CDKAL1: variants seen among roughly 807,000 people sequenced by gnomAD.
CDKAL1 encodes the protein CDKAL1 threonylcarbamoyladenosine tRNA methylthiotransferase.
A neutral mutation model predicts 68.2 loss-of-function variants in CDKAL1; 32 were observed. The observed-to-expected ratio is 0.47, with a 90% CI of 0.35 to 0.63. CDKAL1 has a LOEUF of 0.63. Ranked by LOEUF, CDKAL1 falls within the 30% of genes least tolerant of loss-of-function variation. The pLI is 0.00. For synonymous variants in CDKAL1, 234 were observed against 244.3 expected (o/e 0.96, Z 0.39); for missense variants, 606 against 696.7 (o/e 0.87, Z 1.47).
chr6:20,785,181 T>C (rs1419549363), intron 8 of CDKAL1, among the ~76,000 whole-genome samples: 1 of 152,188 alleles, frequency 6.6e-6, no homozygotes, highest in African/African-American at 2.4e-5. Context: ...AGAAATGGGT[T>C]TCTAATTTTC....
At chr6:20,868,052 T>C (rs1000194036) in intron 9 of CDKAL1, among the ~76,000 whole-genome samples, 5 of 53,338 alleles carry the variant, frequency 9.4e-5, no homozygotes, top group Non-Finnish European at 2.9e-4. Context: ...GTGTTACTTC[T>C]GTATAATAAA....
chr6:20,589,731 T>C (rs1158856699), intron 4 of CDKAL1, among the ~76,000 whole-genome samples: 1 of 152,194 alleles, frequency 6.6e-6, no homozygotes, highest in Non-Finnish European at 1.5e-5. Flanking sequence ...TTTTCTCATA[T>C]TTCAGTGAAA....
intron 12 of CDKAL1, among the ~76,000 whole-genome samples, chr6:21,092,395 C>T (rs13210302): frequency 0.14 from 21,096 of 151,718 alleles, 1,779 homozygotes; most frequent in Middle Eastern, 0.2. Flanking sequence ...AGGTATTTGT[C>T]CTAATGCTCT....
chr6:21,095,270 A>G (rs1223988271), intron 12 of CDKAL1, among the ~76,000 whole-genome samples: 1 of 152,086 alleles, frequency 6.6e-6, no homozygotes, highest in Non-Finnish European at 1.5e-5. Context: ...GAATAGTAGG[A>G]CTTTAGCCTG....
chr6:20,600,244 T>G (rs1010127281), intron 4 of CDKAL1, among the ~76,000 whole-genome samples: 1 of 152,184 alleles, frequency 6.6e-6, no homozygotes, highest in Non-Finnish European at 1.5e-5. Flanking sequence ...TTTTATTAAA[T>G]ATTGCATGAC....
chr6:20,932,722 C>T (rs1032350103), intron 9 of CDKAL1, among the ~76,000 whole-genome samples: 3 of 152,090 alleles, frequency 2.0e-5, no homozygotes, highest in African/African-American at 7.2e-5. Flanking sequence ...ATATGATTTC[C>T]TTGCCAACAC....
chr6:20,669,759 A>T (rs2127779283), intron 5 of CDKAL1, among the ~76,000 whole-genome samples: 2 of 152,204 alleles, frequency 1.3e-5, no homozygotes, highest in South Asian at 4.1e-4. Flanking sequence ...CCTTGCCTCA[A>T]GTCCTGGTTT....
At chr6:20,959,085 A>G (rs1200906758) in intron 10 of CDKAL1, among the ~76,000 whole-genome samples, 1 of 152,212 alleles carries the variant, frequency 6.6e-6, no homozygotes, top group Non-Finnish European at 1.5e-5. Flanking sequence ...TCAAGAGTCT[A>G]GCATTGTGTG....
chr6:20,587,373 T>C (rs1038327949), intron 4 of CDKAL1, among the ~76,000 whole-genome samples: 7 of 152,134 alleles, frequency 4.6e-5, no homozygotes, highest in Admixed American at 3.3e-4. Flanking sequence ...ATCTGAATTG[T>C]TGAAATTTTC....
intron 4 of CDKAL1, among the ~76,000 whole-genome samples, chr6:20,641,831 C>T (rs552820989): frequency 3.4e-4 from 20 of 58,716 alleles, no homozygotes; most frequent in Admixed American, 1.9e-3. Context: ...TGTGTGTGTG[C>T]GTGCGTGTGT....
Position 20,678,895 on chromosome 6 carries a change from C to G in CDKAL1, c.371+29518C>G, listed in dbSNP as rs76759879. ...CTTCTAAATGCCTGTAGTTTCATTGCCTATGTTTTTGTTTTTGTTTTTGAG... is the reference window on the plus strand; with the variant it reads ...CTTCTAAATGCCTGTAGTTTCATTGGCTATGTTTTTGTTTTTGTTTTTGAG... On this transcript the variant is annotated intron_variant, in intron 5 of 15. Transcript: ENST00000274695. 4.2e-3 allele frequency among the ~76,000 whole-genome samples: 640 copies of G among 151,918 alleles called. 10 individuals carry two copies. Among genetic ancestry groups the G allele is most frequent in the African/African-American group, 0.014 (600 of 41,448 alleles).
At chr6:20,593,592 T>G (rs2127703289) in intron 4 of CDKAL1, among the ~76,000 whole-genome samples, 1 of 145,722 alleles carries the variant, frequency 6.9e-6, no homozygotes, top group African/African-American at 2.6e-5. Context: ...TGGTGGTCTA[T>G]TTCATTAATC....
At chr6:20,744,978 A>G (rs1039110274) in intron 6 of CDKAL1, among the ~76,000 whole-genome samples, 18 of 152,228 alleles carry the variant, frequency 1.2e-4, no homozygotes, top group Non-Finnish European at 1.0e-4. Flanking sequence ...AAGACATGCA[A>G]TTCACAACGG....
At chr6:20,911,693 G>T (rs1445414742) in intron 9 of CDKAL1, among the ~76,000 whole-genome samples, 1 of 152,158 alleles carries the variant, frequency 6.6e-6, no homozygotes, top group Admixed American at 6.5e-5. Flanking sequence ...CTAAAAGATT[G>T]CTGGCAAGAA....
At chr6:20,848,900 C>T (rs1039203787) in intron 9 of CDKAL1, among the ~76,000 whole-genome samples, 2 of 151,902 alleles carry the variant, frequency 1.3e-5, no homozygotes, top group African/African-American at 4.8e-5. Flanking sequence ...TCAAGCGATC[C>T]TCCTGCCTCA....
At chr6:21,061,709 G>A (rs1771145733) in intron 11 of CDKAL1, among the ~76,000 whole-genome samples, 1 of 152,092 alleles carries the variant, frequency 6.6e-6, no homozygotes, top group East Asian at 1.9e-4. Flanking sequence ...GTGTAAATGA[G>A]ATTTCAGTTG....
intron 5 of CDKAL1, among the ~76,000 whole-genome samples, chr6:20,675,234 C>T (rs146108963): frequency 7.8e-4 from 119 of 152,204 alleles, no homozygotes; most frequent in Middle Eastern, 3.4e-3. Context: ...CATTTTTATT[C>T]ATTTTCAGCA....
chr6:20,878,105 G>A (rs775694013), intron 9 of CDKAL1, among the ~76,000 whole-genome samples: 32 of 152,000 alleles, frequency 2.1e-4, no homozygotes, highest in Non-Finnish European at 3.2e-4. Context: ...GGTATTTAAT[G>A]GTATTTTACT....
chr6:21,205,614 T>C (rs1582414399), intron 15 of CDKAL1, among the ~76,000 whole-genome samples: 1 of 151,776 alleles, frequency 6.6e-6, no homozygotes, highest in African/African-American at 2.4e-5. Context: ...CACTGTAAGC[T>C]CCGCCTCCTG....
Sources: gnomAD v4.1 joint callset for allele counts (sites outside exome capture counted in the v4.1 genomes callset) on GRCh38, gnomAD v4.1.1 for gene constraint, MANE v1.5 for transcripts, NCBI Gene and HGNC (gene_info 2026-07-23, HGNC 2026-07-21) for gene names.